Variants in ACSM2A observed in about 807,000 individuals in gnomAD.
ACSM2A encodes acyl-CoA synthetase medium chain family member 2A.
ACSM2A carries 72 observed loss-of-function variants against 76.6 expected under a neutral mutation model. The observed-to-expected ratio is 0.94, with a 90% CI of 0.78 to 1.14. The LOEUF (loss-of-function observed/expected upper bound fraction) is 1.14, where lower values mean the gene tolerates loss of function less well. ACSM2A is among the 50% of genes most tolerant of loss of function. The probability of loss-of-function intolerance (pLI) is 0.00; values close to 1 mark genes in which losing one functional copy is unlikely to be tolerated. For synonymous variants in ACSM2A, 249 were observed against 255.9 expected (o/e 0.97, Z 0.26); for missense variants, 684 against 708.5 (o/e 0.97, Z 0.39).
Position 20,480,901 on chromosome 16 carries a change from C to G in ACSM2A, c.1489C>G (p.Pro497Ala). Residue 497 changes from proline to alanine, a missense_variant, in exon 12 of 14, where the codon CCA becomes GCA. Transcript: ENST00000573854. ...AVVETAVISS[P>A]DPVRGEVVKA... is the part of the protein sequence containing the mutation. ...GGTTGAGACGGCTGTGATCAGCAGC[C>G]CAGACCCCGTCCGAGGAGAGGTGAT... The G allele has an allele frequency of 1.9e-6, 3 of 1,613,676 alleles. No individual in the cohort carries two copies. The highest frequency in any genetic ancestry group is 4.5e-5 in the East Asian group (2 of 44,880).
At chr16:20,458,804 T>C (rs2012375627) in intron 1 of ACSM2A, among the ~76,000 whole-genome samples, 1 of 142,374 alleles carries the variant, frequency 7.0e-6, no homozygotes, top group African/African-American at 2.5e-5. Context: ...ATATATATAA[T>C]ATATATATTA....
intron 8 of ACSM2A, chr16:20,477,051 T>C: frequency 3.8e-6 from 1 of 264,092 alleles, no homozygotes; most frequent in East Asian, 9.0e-5. Flanking sequence ...GGTGATCCCA[T>C]ATAGTTTGAA....
chr16:20,454,733 A>G (rs1172234718), intron 1 of ACSM2A, among the ~76,000 whole-genome samples: 1 of 151,920 alleles, frequency 6.6e-6, no homozygotes, highest in Non-Finnish European at 1.5e-5. Flanking sequence ...CGATTCTGGG[A>G]ATATGACAAA....
At position 20,486,919 on chromosome 16, in the gene ACSM2A, G is replaced by A. The variant is rs1328507347; in HGVS notation, c.*241G>A. The A allele has an allele frequency of 4.9e-6, 2 of 410,754 alleles. No homozygotes were observed. The highest frequency in any genetic ancestry group is 8.5e-6 in the Non-Finnish European group (2 of 234,318). 25.4% of individuals were successfully genotyped at this position (410,754 alleles called of 1,614,324 possible). A position where few individuals can be genotyped will look rare whatever the true frequency, so the allele number is the denominator to read the frequency against. On this transcript the variant is annotated 3_prime_UTR_variant, in exon 14 of 14. Coordinates refer to ENST00000573854, the MANE Select transcript of ACSM2A (RefSeq NM_001308172.2). Reference sequence around the variant, plus strand: ...AAAAAGGAAAGAAAAGTAAGTCAGGGAAATATTAAAACTGCAAGGGAAAGC... The same window carrying A: ...AAAAAGGAAAGAAAAGTAAGTCAGGAAAATATTAAAACTGCAAGGGAAAGC...
rs192783763 is a variant in ACSM2A at position 20,472,587 on chromosome 16, G to A, written c.894+898G>A. Among the ~76,000 whole-genome samples the A allele has an allele frequency of 8.5e-5, 13 of 152,084 alleles. No individual in the cohort carries two copies. The East Asian group carries it at 2.5e-3, about 29-fold the overall frequency. ...ACCCCTGTAAACACCACCAGATAAAGACATGAAACATTCCCACCACTGCAG... is the reference window on the plus strand; with the variant it reads ...ACCCCTGTAAACACCACCAGATAAAAACATGAAACATTCCCACCACTGCAG... On this transcript the variant is annotated intron_variant, in intron 6 of 13. Transcript: ENST00000573854.
intron 2 of ACSM2A, among the ~76,000 whole-genome samples, chr16:20,464,714 T>C (rs1028138767): frequency 1.1e-4 from 17 of 151,982 alleles, no homozygotes; most frequent in African/African-American, 4.1e-4. Flanking sequence ...ATTCAGACAA[T>C]ATCATGTATC....
chr16:20,475,571 C>T (rs2013685484), intron 7 of ACSM2A, 79 bp from the exon 8 acceptor site: 10 of 1,606,494 alleles, frequency 6.2e-6, no homozygotes, highest in Middle Eastern at 3.3e-4. Flanking sequence ...ATCATCAAAG[C>T]ACCCAGAAAC....
chr16:20,453,570 G>T lies in ACSM2A; in HGVS notation c.-9+1889G>T, dbSNP rs952507004. 2 of 125,500 alleles carry T rather than the reference G, an allele frequency of 1.6e-5. 1 individual carries two copies. The highest frequency in any genetic ancestry group is 6.6e-5 in the African/African-American group (2 of 30,316). The allele number at this position is 125,500 out of a possible 1,614,324, so 7.8% of individuals were successfully genotyped here. ...TGTGTGTTTGAACAATATGAAATCA[G>T]TATACCTGGAAAAAGAACAGAATAT... On this transcript the variant is annotated intron_variant, in intron 1 of 13. Coordinates refer to ENST00000573854, the MANE Select transcript of ACSM2A (RefSeq NM_001308172.2).
intron 3 of ACSM2A, among the ~76,000 whole-genome samples, chr16:20,468,721 C>G (rs116739787): frequency 3.9e-5 from 6 of 152,202 alleles, no homozygotes; most frequent in East Asian, 1.9e-4. Flanking sequence ...AAATAGGAAA[C>G]AAGAACAAGA....
rs984143791 is a variant in ACSM2A, at chr16:20,477,222, A to T, written c.1099-147A>T. On this transcript the variant is annotated intron_variant, in intron 8 of 13. Coordinates refer to ENST00000573854, the MANE Select transcript of ACSM2A (RefSeq NM_001308172.2). ...GGATTGTGGTTCCAGTAATGGGGAG[A>T]GAGCCAGGGAATGAGGAGCAGGGGG... 12 of 1,312,642 alleles carry T rather than the reference A, an allele frequency of 9.1e-6. No individual in the cohort carries two copies. The African/African-American group carries it at 1.8e-4, about 19-fold the overall frequency. 81.3% of individuals were successfully genotyped at this position (1,312,642 alleles called of 1,614,324 possible).
At chr16:20,469,243 A>G (rs1259245813) in intron 3 of ACSM2A, among the ~76,000 whole-genome samples, 2 of 152,150 alleles carry the variant, frequency 1.3e-5, no homozygotes, top group Non-Finnish European at 2.9e-5. Context: ...GGAGAATTGT[A>G]TGTGTCTTAG....
Position 20,469,494 on chromosome 16 carries a change from A to C in ACSM2A, c.389-18A>C, listed in dbSNP as rs1045341455. Reference sequence around the variant, plus strand: ...GAAAATCATCCTTTCCAATTCTCTAAATTGTTGGCTTCTTTAGGTCTCATC... The same window carrying C: ...GAAAATCATCCTTTCCAATTCTCTACATTGTTGGCTTCTTTAGGTCTCATC... On this transcript the variant is annotated intron_variant, in intron 3 of 13. Coordinates refer to ENST00000573854, the MANE Select transcript of ACSM2A (RefSeq NM_001308172.2). The C allele has an allele frequency of 6.2e-7, 1 of 1,610,374 alleles. No homozygotes were observed. The highest frequency in any genetic ancestry group is 8.5e-7 in the Non-Finnish European group (1 of 1,177,348).
chr16:20,465,775 A>G, intron 3 of ACSM2A, 48 bp downstream of exon 3: 1 of 1,590,878 alleles, frequency 6.3e-7, no homozygotes, highest in Non-Finnish European at 8.6e-7. Context: ...TTGTGAAGAA[A>G]ACTGATAGCA....
At position 20,454,900 on chromosome 16, in the gene ACSM2A, G is replaced by GAAA. The variant is rs71149145; in HGVS notation, c.-9+3228_-9+3230dup. ...CAGAAAAGCTGAAGTCCAATTTAAG[G>GAAA]AAAAAAAAAAATACAAGTTATGAGG... On this transcript the variant is annotated intron_variant, in intron 1 of 13. Transcript: ENST00000573854. 2.1e-5 allele frequency among the ~76,000 whole-genome samples: 3 copies of GAAA among 143,114 alleles called. 1 individual carries two copies. The highest frequency in any genetic ancestry group is 4.1e-4 in the East Asian group (2 of 4,930). 93.9% of individuals were successfully genotyped at this position (143,114 alleles called of 152,430 possible).
At chr16:20,475,910 G>A (rs965861366) in intron 8 of ACSM2A, 137 bp downstream of exon 8, 6 of 1,507,152 alleles carry the variant, frequency 4.0e-6, no homozygotes, top group African/African-American at 1.4e-5. Context: ...GAAGGGACAG[G>A]TACTGAGTAT....
intron 6 of ACSM2A, among the ~76,000 whole-genome samples, chr16:20,473,230 A>G (rs2013525439): frequency 6.6e-6 from 1 of 152,218 alleles, no homozygotes; most frequent in Non-Finnish European, 1.5e-5. Flanking sequence ...CTGGATTTTC[A>G]TAGGAAATTA....
intron 2 of ACSM2A, among the ~76,000 whole-genome samples, chr16:20,463,268 A>C (rs1055509831): frequency 2.6e-5 from 4 of 151,982 alleles, no homozygotes; most frequent in Non-Finnish European, 5.9e-5. Context: ...CCAACCAAAA[A>C]AAAAAGAGAA....
At position 20,486,692 on chromosome 16, in the gene ACSM2A, C is replaced by T; in HGVS notation, c.*14C>T. On this transcript the variant is annotated 3_prime_UTR_variant, in exon 14 of 14. Transcript: ENST00000573854. Reference sequence around the variant, plus strand: ...CGTGCGCAGTGAGACATCTAAGAGACATTCATTTGGATTCCCCTCTTCTTT... The same window carrying T: ...CGTGCGCAGTGAGACATCTAAGAGATATTCATTTGGATTCCCCTCTTCTTT... 6.2e-7 allele frequency: 1 copy of T among 1,613,464 alleles called. No homozygotes were observed. The highest frequency in any genetic ancestry group is 1.1e-5 in the South Asian group (1 of 91,016).
intron 1 of ACSM2A, chr16:20,452,149 G>A (rs1329374131): frequency 6.6e-5 from 10 of 151,778 alleles, no homozygotes; most frequent in African/African-American, 2.4e-4. Context: ...TGATTGAATT[G>A]AAGGATACAA....
Sources: gnomAD v4.1 joint callset for allele counts (sites outside exome capture counted in the v4.1 genomes callset) on GRCh38, gnomAD v4.1.1 for gene constraint, MANE v1.5 for transcripts, NCBI Gene and HGNC (gene_info 2026-07-23, HGNC 2026-07-21) for gene names.